GRK5: variants seen among roughly 807,000 people sequenced by gnomAD.
The protein encoded by GRK5 is g protein-coupled receptor kinase GRK5.
In GRK5, 40 loss-of-function variants were observed where a neutral mutation model predicts 78.4. The ratio of observed to expected loss-of-function variants is 0.51; its 90% CI spans 0.40 to 0.66. The LOEUF (loss-of-function observed/expected upper bound fraction) is 0.66, where lower values mean the gene tolerates loss of function less well. Among genes scored for constraint, GRK5 ranks in the 30% least tolerant of loss-of-function variants. The pLI, the probability that GRK5 is intolerant of heterozygous loss-of-function variation, is 0.00. For missense variants in GRK5, 598 were observed against 759.9 expected (o/e 0.79, Z 2.50); for synonymous variants, 289 against 296.8 (o/e 0.97, Z 0.27).
At chr10:119,337,552 A>G (rs529009607) in intron 2 of GRK5, among the ~76,000 whole-genome samples, 4 of 152,134 alleles carry the variant, frequency 2.6e-5, no homozygotes, top group Admixed American at 1.3e-4. Context: ...CATCAGCCCT[A>G]TCCCTGTCTT....
At chr10:119,315,821 C>CTGGG (rs1483147636) in intron 1 of GRK5, among the ~76,000 whole-genome samples, 1 of 152,184 alleles carries the variant, frequency 6.6e-6, no homozygotes, top group African/African-American at 2.4e-5. Flanking sequence ...TGAGACCCTC[C>CTGGG]CAGACTGATT....
chr10:119,396,926 C>G (rs75905408), intron 4 of GRK5, among the ~76,000 whole-genome samples, 154 bp downstream of exon 4: 1 of 152,226 alleles, frequency 6.6e-6, no homozygotes, highest in Admixed American at 6.5e-5. Flanking sequence ...CATCCTCCCC[C>G]AGAGAGTGCC....
chr10:119,332,333 C>T (rs1850795935), intron 2 of GRK5, among the ~76,000 whole-genome samples: 1 of 152,122 alleles, frequency 6.6e-6, no homozygotes, highest in South Asian at 2.1e-4. Flanking sequence ...TCTCAAACTC[C>T]TGAGCTCAAG....
chr10:119,286,744 C>T (rs778935108), intron 1 of GRK5, among the ~76,000 whole-genome samples: 5 of 152,244 alleles, frequency 3.3e-5, no homozygotes, highest in Non-Finnish European at 5.9e-5. Flanking sequence ...TGGGGCTGGT[C>T]ACCCATTCCC....
At chr10:119,287,887 G>A (rs930566237) in intron 1 of GRK5, among the ~76,000 whole-genome samples, 4 of 152,228 alleles carry the variant, frequency 2.6e-5, no homozygotes, top group Non-Finnish European at 4.4e-5. Context: ...GGTAGACACA[G>A]CCAGGAAGCA....
chr10:119,448,712 G>T (rs1005360718), intron 13 of GRK5, among the ~76,000 whole-genome samples: 3 of 152,108 alleles, frequency 2.0e-5, no homozygotes, highest in African/African-American at 7.2e-5. Flanking sequence ...CCAGGTTCTG[G>T]GCCAGGCAGA....
intron 1 of GRK5, among the ~76,000 whole-genome samples, chr10:119,297,220 A>G (rs1850097340): frequency 6.6e-6 from 1 of 152,220 alleles, no homozygotes; most frequent in Non-Finnish European, 1.5e-5. Context: ...CTTGGGTGTA[A>G]TTTCAAAGTC....
chr10:119,422,573 A>G (rs1385651983), intron 4 of GRK5, among the ~76,000 whole-genome samples: 2 of 151,652 alleles, frequency 1.3e-5, no homozygotes, highest in Non-Finnish European at 2.9e-5. Context: ...CCTCCTCACC[A>G]CCCTCCTCCC....
chr10:119,328,098 C>G (rs1199081747), intron 2 of GRK5, among the ~76,000 whole-genome samples: 1 of 152,256 alleles, frequency 6.6e-6, no homozygotes, highest in African/African-American at 2.4e-5. Context: ...AAGGGCTTAG[C>G]TGGTGCCCTC....
At chr10:119,208,842 A>C (rs1350380279) in intron 1 of GRK5, among the ~76,000 whole-genome samples, 1 of 152,176 alleles carries the variant, frequency 6.6e-6, no homozygotes, top group Non-Finnish European at 1.5e-5. Context: ...GTGCTTCCTG[A>C]AATGATTGTG....
chr10:119,356,641 G>T lies in GRK5; in HGVS notation c.149-24174G>T, dbSNP rs78902832. Among the ~76,000 whole-genome samples the T allele has an allele frequency of 6.6e-5, 10 of 152,104 alleles. No individual in the cohort carries two copies. In the East Asian group the frequency reaches 1.7e-3, roughly 26 times the overall value. On this transcript the variant is annotated intron_variant, in intron 2 of 15. Transcript: ENST00000392870. ...TTTACACAGGCTTTGGGCTCTTCCA[G>T]TTCCTCTTCTGCCCTTTAACCCCAT...
chr10:119,423,592 G>A (rs766374026), intron 5 of GRK5, among the ~76,000 whole-genome samples: 7 of 152,140 alleles, frequency 4.6e-5, no homozygotes, highest in Admixed American at 1.3e-4. Context: ...CCACCAACCC[G>A]AGCCAGTGCT....
intron 2 of GRK5, among the ~76,000 whole-genome samples, chr10:119,349,079 A>G (rs1851149232): frequency 1.3e-5 from 2 of 152,192 alleles, no homozygotes; most frequent in South Asian, 4.1e-4. Context: ...ATTTCAAAGA[A>G]TGAGCTCCCA....
At chr10:119,254,455 T>TG (rs1849249014) in intron 1 of GRK5, among the ~76,000 whole-genome samples, 4 of 152,204 alleles carry the variant, frequency 2.6e-5, no homozygotes, top group Admixed American at 2.6e-4. Context: ...CAGGCAGACC[T>TG]GGTCCTTGTG....
intron 1 of GRK5, among the ~76,000 whole-genome samples, chr10:119,221,624 T>C (rs1848657767): frequency 6.6e-6 from 1 of 152,198 alleles, no homozygotes. Context: ...AAAGATAATA[T>C]AAAGGAATAT....
At chr10:119,371,380 A>G (rs1337090940) in intron 2 of GRK5, among the ~76,000 whole-genome samples, 1 of 152,234 alleles carries the variant, frequency 6.6e-6, no homozygotes, top group Non-Finnish European at 1.5e-5. Context: ...GAGTCCACAT[A>G]CTGCAGGCTC....
chr10:119,302,989 G>T (rs1237644312), intron 1 of GRK5, among the ~76,000 whole-genome samples: 1 of 152,210 alleles, frequency 6.6e-6, no homozygotes, highest in Non-Finnish European at 1.5e-5. Flanking sequence ...GAGGTTGATG[G>T]ATCGAATATC....
chr10:119,445,884 C>T lies in GRK5; in HGVS notation c.1266+2132C>T, dbSNP rs1225263286. Reference sequence around the variant, plus strand: ...GCCAGTCTCTGGCCCCCAGGTCTGTCCCCCATTCTACCTTAGCAGCCGCAG... The same window carrying T: ...GCCAGTCTCTGGCCCCCAGGTCTGTTCCCCATTCTACCTTAGCAGCCGCAG... On this transcript the variant is annotated intron_variant, in intron 12 of 15. Coordinates refer to ENST00000392870, the MANE Select transcript of GRK5 (RefSeq NM_005308.3). This position sits in a 1 kb window ranked among gnomAD's most constrained non-coding sequence, Gnocchi z 4.1. Among the ~76,000 whole-genome samples, 1 of 152,082 alleles carries T rather than the reference C, an allele frequency of 6.6e-6. No homozygotes were observed. Among genetic ancestry groups the T allele is most frequent in the Non-Finnish European group, 1.5e-5 (1 of 68,002 alleles).
chr10:119,279,094 A>G (rs533384481), intron 1 of GRK5, among the ~76,000 whole-genome samples: 20 of 152,072 alleles, frequency 1.3e-4, no homozygotes, highest in African/African-American at 4.3e-4. Context: ...GTTAGCCAGG[A>G]TGGTCTCGAT....
Sources: gnomAD v4.1 joint callset for allele counts (sites outside exome capture counted in the v4.1 genomes callset) on GRCh38, gnomAD v4.1.1 for gene constraint, Gnocchi (gnomAD v3.1) non-coding constraint, MANE v1.5 for transcripts, NCBI Gene and HGNC (gene_info 2026-07-23, HGNC 2026-07-21) for gene names.